The following DLG2 variants were observed in gnomAD, a reference collection of about 807,000 sequenced individuals.
DLG2 encodes discs large MAGUK scaffold protein 2.
A neutral mutation model predicts 132.5 loss-of-function variants in DLG2; 45 were observed. That is an observed-to-expected ratio of 0.34 (90% CI 0.27 to 0.44). The LOEUF (loss-of-function observed/expected upper bound fraction) is 0.44, where lower values mean the gene tolerates loss of function less well. DLG2 is among the 20% of genes least tolerant of loss of function. The pLI is 1.00. For missense variants in DLG2, 1,045 were observed against 1,196.9 expected, an observed-to-expected ratio of 0.87 and a Z score of 1.87; for synonymous variants, 424 against 419.6, an observed-to-expected ratio of 1.01 and a Z score of -0.13.
rs143446772 is a variant in DLG2 at position 83,769,560 on chromosome 11, CTTTTT to C, written c.1825+17125_1825+17129del. Among the ~76,000 whole-genome samples the C allele has an allele frequency of 5.0e-4, 62 of 124,046 alleles. 1 individual carries two copies. Among genetic ancestry groups the C allele is most frequent in the African/African-American group, 1.8e-3 (61 of 33,882 alleles). 81.4% of individuals were successfully genotyped at this position (124,046 alleles called of 152,430 possible). ...TCCTAGAGGAGAATGACTCTAGCTTCTTTTTTTTTTTTTTTTTTTTGAGATGGAGT... is the reference window on the plus strand; with the variant it reads ...TCCTAGAGGAGAATGACTCTAGCTTCTTTTTTTTTTTTTTTGAGATGGAGT... On this transcript the variant is annotated intron_variant, in intron 18 of 27. Transcript: ENST00000376104.
At chr11:85,435,277 C>A (rs994389745) in intron 3 of DLG2, among the ~76,000 whole-genome samples, 1 of 152,288 alleles carries the variant, frequency 6.6e-6, no homozygotes, top group East Asian at 1.9e-4. Flanking sequence ...TGCCCTTTCT[C>A]ACCACTCCTA....
intron 21 of DLG2, among the ~76,000 whole-genome samples, chr11:83,489,291 G>A (rs2093703776): frequency 6.6e-6 from 1 of 151,850 alleles, no homozygotes; most frequent in Admixed American, 6.6e-5. Flanking sequence ...CTATAAAAAT[G>A]CAATCAATCA....
chr11:85,498,964 A>C (rs1181466907), intron 3 of DLG2, among the ~76,000 whole-genome samples: 1 of 152,196 alleles, frequency 6.6e-6, no homozygotes, highest in Non-Finnish European at 1.5e-5. Context: ...AATTTATAGC[A>C]CTAAATGCCC....
intron 18 of DLG2, among the ~76,000 whole-genome samples, chr11:83,655,970 T>C (rs1417355934): frequency 1.3e-5 from 2 of 152,190 alleles, no homozygotes; most frequent in Non-Finnish European, 2.9e-5. Flanking sequence ...AACAGTGCAG[T>C]AGGAATTCTG....
chr11:84,173,930 T>C (rs1244621855), intron 8 of DLG2, among the ~76,000 whole-genome samples: 2 of 151,064 alleles, frequency 1.3e-5, no homozygotes, highest in South Asian at 2.1e-4. Flanking sequence ...CCATTTATTT[T>C]ACTCCTGCCA....
chr11:83,688,552 T>A (rs1312656619), intron 18 of DLG2, among the ~76,000 whole-genome samples: 1 of 152,168 alleles, frequency 6.6e-6, no homozygotes, highest in Non-Finnish European at 1.5e-5. Flanking sequence ...CACCCTCTTA[T>A]TGAACATTCA....
At chr11:85,289,443 A>T (rs2078758069) in intron 3 of DLG2, among the ~76,000 whole-genome samples, 1 of 152,148 alleles carries the variant, frequency 6.6e-6, no homozygotes, top group Non-Finnish European at 1.5e-5. Flanking sequence ...ATTTGAAGTC[A>T]GAGATCTAAA....
At chr11:84,350,179 C>CCG (rs2098557115) in intron 7 of DLG2, among the ~76,000 whole-genome samples, 7 of 143,518 alleles carry the variant, frequency 4.9e-5, no homozygotes, top group Non-Finnish European at 9.1e-5. Context: ...CTTCGTCCCC[C>CCG]CCCCCAAAAA....
intron 11 of DLG2, among the ~76,000 whole-genome samples, chr11:84,040,164 G>T (rs888817609): frequency 2.7e-5 from 4 of 150,204 alleles, no homozygotes; most frequent in Non-Finnish European, 6.0e-5. Flanking sequence ...CTCCCATTTT[G>T]TAGGTTGCCT....
At chr11:83,761,173 G>T (rs1053451132) in intron 18 of DLG2, among the ~76,000 whole-genome samples, 1 of 152,148 alleles carries the variant, frequency 6.6e-6, no homozygotes, top group Admixed American at 6.5e-5. Context: ...GAATGACAGT[G>T]AGAATGGGCA....
chr11:84,309,407 A>G (rs1291834670), intron 7 of DLG2, among the ~76,000 whole-genome samples: 1 of 152,176 alleles, frequency 6.6e-6, no homozygotes, highest in Non-Finnish European at 1.5e-5. Context: ...GGGCTAGGAG[A>G]GGGAGGGCAA....
At chr11:83,577,787 A>G (rs1161716458) in intron 19 of DLG2, among the ~76,000 whole-genome samples, 5 of 127,038 alleles carry the variant, frequency 3.9e-5, no homozygotes, top group African/African-American at 1.2e-4. Context: ...AATATATTAT[A>G]TTTTATATAT....
chr11:83,919,628 A>G (rs535501470), intron 15 of DLG2, among the ~76,000 whole-genome samples: 44 of 152,294 alleles, frequency 2.9e-4, no homozygotes, highest in African/African-American at 1.0e-3. Flanking sequence ...AACAGGGGTC[A>G]GCCACATCTG....
intron 3 of DLG2, among the ~76,000 whole-genome samples, chr11:85,340,537 T>A (rs1262141650): frequency 6.6e-6 from 1 of 152,170 alleles, no homozygotes; most frequent in Non-Finnish European, 1.5e-5. Context: ...ATACCTAATG[T>A]AAATGATGAG....
At position 84,387,513 on chromosome 11, in the gene DLG2, G is replaced by C. The variant is rs192479512; in HGVS notation, c.520-136222C>G. 2.3e-3 allele frequency among the ~76,000 whole-genome samples: 349 copies of C among 152,108 alleles called. 3 individuals carry two copies. The highest frequency in any genetic ancestry group is 8.1e-3 in the African/African-American group (338 of 41,504). Reference sequence around the variant, plus strand: ...TTCAGCTTTGTTGCCTAGCCCCTGAGGCATCTTTAATATAGAAACATGTCT... The same window carrying C: ...TTCAGCTTTGTTGCCTAGCCCCTGACGCATCTTTAATATAGAAACATGTCT... On this transcript the variant is annotated intron_variant, in intron 7 of 27. Transcript: ENST00000376104.
intron 9 of DLG2, among the ~76,000 whole-genome samples, chr11:84,124,275 G>A (rs764011809): frequency 2.6e-5 from 4 of 152,162 alleles, no homozygotes; most frequent in Non-Finnish European, 5.9e-5. Context: ...GACATAAAAT[G>A]TGATCTCCGT....
intron 9 of DLG2, among the ~76,000 whole-genome samples, chr11:84,161,894 T>C (rs1475876166): frequency 6.6e-6 from 1 of 152,148 alleles, no homozygotes; most frequent in African/African-American, 2.4e-5. Flanking sequence ...CTCACTTTTC[T>C]CCAGTTAGCA....
At chr11:85,545,305 T>A (rs1317325373) in intron 3 of DLG2, among the ~76,000 whole-genome samples, 4 of 152,248 alleles carry the variant, frequency 2.6e-5, no homozygotes, top group African/African-American at 9.6e-5. Flanking sequence ...GATTTGCATA[T>A]GTTGAACAAG....
At chr11:84,955,619 A>G (rs1454943774) in intron 6 of DLG2, 1 of 152,206 alleles carries the variant, frequency 6.6e-6, no homozygotes, top group African/African-American at 2.4e-5. Flanking sequence ...AAAATCACCA[A>G]CAGAAAACAA....
Sources: gnomAD v4.1 joint callset for allele counts (sites outside exome capture counted in the v4.1 genomes callset) on GRCh38, gnomAD v4.1.1 for gene constraint, MANE v1.5 for transcripts, NCBI Gene and HGNC (gene_info 2026-07-23, HGNC 2026-07-21) for gene names.